The following CYP2J2 variants were observed in gnomAD, a reference collection of about 807,000 sequenced individuals.
CYP2J2 encodes the protein cytochrome P450 2J2.
A neutral mutation model predicts 48.8 loss-of-function variants in CYP2J2; 41 were observed. The observed-to-expected ratio is 0.84, with a 90% CI of 0.66 to 1.09. The LOEUF is 1.09. Among genes scored for constraint, CYP2J2 ranks in the 50% least tolerant of loss-of-function variants. The pLI is 0.00. For synonymous variants in CYP2J2, 221 were observed against 227.1 expected (o/e 0.97, Z 0.24); for missense variants, 644 against 617.3 (o/e 1.04, Z -0.46).
the CYP2J2 span, among the ~76,000 whole-genome samples, chr1:59,933,485 G>A: frequency 2.0e-5 from 3 of 152,114 alleles, no homozygotes; most frequent in African/African-American, 7.2e-5. Flanking sequence ...ATTGTTTGTT[G>A]TTAGTGTATA....
intron 8 of CYP2J2, among the ~76,000 whole-genome samples, chr1:59,896,307 AT>A (rs1644268519): frequency 1.1e-5 from 1 of 89,392 alleles, no homozygotes; most frequent in Non-Finnish European, 2.1e-5. Flanking sequence ...TATATAAAAT[AT>A]ATATATATAT....
At chr1:59,952,544 G>A in the CYP2J2 span, among the ~76,000 whole-genome samples, 8 of 152,156 alleles carry the variant, frequency 5.3e-5, no homozygotes, top group East Asian at 3.9e-4. Flanking sequence ...AGCCGAAAGC[G>A]GTATTAGGAA....
chr1:59,926,374 G>A (rs1644564083), intron 1 of CYP2J2, 163 bp downstream of exon 1: 2 of 626,550 alleles, frequency 3.2e-6, no homozygotes, highest in African/African-American at 3.7e-5. Flanking sequence ...GCCAGTTAAT[G>A]GGTTAGGAAA....
At chr1:59,954,137 A>G in the CYP2J2 span, among the ~76,000 whole-genome samples, 1 of 152,164 alleles carries the variant, frequency 6.6e-6, no homozygotes, top group Non-Finnish European at 1.5e-5. Context: ...GAAGTGTGTC[A>G]CATCCACTCC....
Position 59,903,837 on chromosome 1 carries a change from A to G in CYP2J2, c.1191+1034T>C, listed in dbSNP as rs1559073328. 2.0e-5 allele frequency among the ~76,000 whole-genome samples: 3 copies of G among 152,256 alleles called. No homozygotes were observed. In the South Asian group the frequency reaches 6.2e-4, roughly 32 times the overall value. On this transcript the variant is annotated intron_variant, in intron 7 of 8. Coordinates refer to ENST00000371204, the MANE Select transcript of CYP2J2 (RefSeq NM_000775.4). ...AGAACAGATCTGCTTCCAGATCCCA[A>G]CTCTTCATAGTTGAGAGATCTCATG...
rs556561006 is a variant in CYP2J2 at position 59,906,765 on chromosome 1, A to G, written c.1003+1021T>C. ...TTATCTGTTTGTTACTAGCCTTTTT[A>G]ACTGAGCATGAACCTGGATGCATAT... On this transcript the variant is annotated intron_variant, in intron 6 of 8. Transcript: ENST00000371204. 7.9e-5 allele frequency among the ~76,000 whole-genome samples: 12 copies of G among 152,278 alleles called. No individual in the cohort carries two copies. The South Asian group carries it at 2.5e-3, about 32-fold the overall frequency.
At chr1:59,950,251 C>T in the CYP2J2 span, among the ~76,000 whole-genome samples, 2 of 152,170 alleles carry the variant, frequency 1.3e-5, no homozygotes, top group African/African-American at 4.8e-5. Flanking sequence ...CACTGCTCTT[C>T]TCCAGTCAGT....
chr1:59,966,993 C>A, the CYP2J2 span, among the ~76,000 whole-genome samples: 1 of 152,072 alleles, frequency 6.6e-6, no homozygotes, highest in Non-Finnish European at 1.5e-5. Flanking sequence ...AACTACTCCT[C>A]AAACAAATCA....
At chr1:59,941,757 T>A in the CYP2J2 span, among the ~76,000 whole-genome samples, 9 of 147,922 alleles carry the variant, frequency 6.1e-5, no homozygotes, top group African/African-American at 1.3e-4. Context: ...TTTAAAAGTT[T>A]AAAAAAAATA....
chr1:59,926,705 TG>T lies in CYP2J2; in HGVS notation c.41del (p.Ala14GlufsTer59), dbSNP rs1644568649. 8.1e-6 allele frequency: 13 copies of T among 1,613,662 alleles called. No individual in the cohort carries two copies. The highest frequency in any genetic ancestry group is 5.9e-6 in the Non-Finnish European group (7 of 1,179,784). The part of the protein sequence containing the change: ...AMGSLAAALW[A>X]VVHPRTLLLG... ...GTAGGAGAGTCCGAGGATGGACCAC[TG>T]CCCAGAGGGCAGCCGCCAGAGAGCC... is the stretch of plus-strand genomic sequence containing the variant. On this transcript the variant is annotated frameshift_variant, in exon 1 of 9. Coordinates refer to ENST00000371204, the MANE Select transcript of CYP2J2 (RefSeq NM_000775.4). LOFTEE classifies it high-confidence loss of function.
At chr1:59,901,139 C>T (rs979034266) in intron 7 of CYP2J2, 36 bp from the exon 8 acceptor site, 16 of 1,602,834 alleles carry the variant, frequency 1.0e-5, no homozygotes, top group Admixed American at 5.0e-5. Flanking sequence ...CAAGGCTTGA[C>T]CCATGAAAAA....
intron 8 of CYP2J2, among the ~76,000 whole-genome samples, chr1:59,894,355 C>T (rs1408479): frequency 0.19 from 28,283 of 152,124 alleles, 3,463 homozygotes; most frequent in African/African-American, 0.36. Flanking sequence ...CTCTGTATTG[C>T]GACTGCTTTG....
the CYP2J2 span, among the ~76,000 whole-genome samples, chr1:59,932,892 G>C: frequency 3.3e-4 from 50 of 151,924 alleles, no homozygotes; most frequent in African/African-American, 1.2e-3. Flanking sequence ...GTAGAGACAG[G>C]GTTTCACCAT....
At chr1:59,908,983 G>T (rs1021309118) in intron 5 of CYP2J2, among the ~76,000 whole-genome samples, 3 of 152,150 alleles carry the variant, frequency 2.0e-5, no homozygotes, top group African/African-American at 4.8e-5. Flanking sequence ...GTAGGTCATT[G>T]GGTCTAGGCC....
chr1:59,911,759 A>C lies in CYP2J2; in HGVS notation c.533T>G (p.Phe178Cys). The C allele has an allele frequency of 1.9e-6, 3 of 1,613,010 alleles. No individual in the cohort carries two copies. Among genetic ancestry groups the C allele is most frequent in the Non-Finnish European group, 2.5e-6 (3 of 1,179,486 alleles). Residue 178 changes from phenylalanine to cysteine, a missense_variant, in exon 4 of 9, where the codon TTT becomes TGT. Physicochemically the swap from Phe to Cys is radical, Grantham distance 205. Coordinates refer to ENST00000371204, the MANE Select transcript of CYP2J2 (RefSeq NM_000775.4). Reference protein sequence around the residue: ...EAIKEENGQPFDPHFKINNAV... With the variant: ...EAIKEENGQPCDPHFKINNAV... Reference sequence around the variant, plus strand: ...ATTGTTGATCTTGAAATGAGGGTCAAAAGGCTGTCCTGAAGGTGGAGGAAG... The same window carrying C: ...ATTGTTGATCTTGAAATGAGGGTCACAAGGCTGTCCTGAAGGTGGAGGAAG...
At chr1:59,937,449 A>G in the CYP2J2 span, among the ~76,000 whole-genome samples, 3 of 151,922 alleles carry the variant, frequency 2.0e-5, no homozygotes, top group African/African-American at 7.2e-5. Flanking sequence ...AGGAAAATCG[A>G]TATTTAAGGG....
At chr1:59,926,365 C>A (rs1644563968) in intron 1 of CYP2J2, among the ~76,000 whole-genome samples, 172 bp downstream of exon 1, 2 of 152,080 alleles carry the variant, frequency 1.3e-5, no homozygotes, top group Admixed American at 1.3e-4. Flanking sequence ...TGGAATCATG[C>A]CAGTTAATGG....
chr1:59,901,482 A>G lies in CYP2J2; in HGVS notation c.1192-379T>C, dbSNP rs181353711. On this transcript the variant is annotated intron_variant, in intron 7 of 8. Coordinates refer to ENST00000371204, the MANE Select transcript of CYP2J2 (RefSeq NM_000775.4). ...CAAAACCAGCCCAGCTGCTCAGTGA[A>G]GCTATAACGATGGCAGCTCTACAAA... Among the ~76,000 whole-genome samples the G allele has an allele frequency of 1.5e-4, 23 of 152,342 alleles. No homozygotes were observed. The South Asian group carries it at 1.9e-3, about 12-fold the overall frequency.
At chr1:59,936,846 A>G in the CYP2J2 span, among the ~76,000 whole-genome samples, 3 of 152,224 alleles carry the variant, frequency 2.0e-5, no homozygotes, top group African/African-American at 7.2e-5. Context: ...TGTCAAGCAG[A>G]TTACATACTA....
Sources: gnomAD v4.1 joint callset for allele counts (sites outside exome capture counted in the v4.1 genomes callset) on GRCh38, gnomAD v4.1.1 for gene constraint, MANE v1.5 for transcripts, NCBI Gene and HGNC (gene_info 2026-07-23, HGNC 2026-07-21) for gene names.